RAB2B: variants seen among roughly 807,000 people sequenced by gnomAD.
RAB2B encodes RAB2B, member RAS oncogene family, also known as ras-related protein Rab-2B.
Under a neutral mutation model 29.8 loss-of-function variants are expected in RAB2B, and 20 were observed. That is an observed-to-expected ratio of 0.67 (90% CI 0.47 to 0.97). The LOEUF (loss-of-function observed/expected upper bound fraction) is 0.97. Ranked by LOEUF, RAB2B falls within the 50% of genes least tolerant of loss-of-function variation. The probability of loss-of-function intolerance (pLI) is 0.00; values close to 1 mark genes in which losing one functional copy is unlikely to be tolerated. For missense variants in RAB2B, 218 were observed against 272.0 expected (o/e 0.80, Z 1.40); for synonymous variants, 93 against 91.7 (o/e 1.01, Z -0.08).
chr14:21,460,460 C>T lies in RAB2B; in HGVS notation c.*736G>A, dbSNP rs1213989225. 3.0e-6 allele frequency: 1 copy of T among 336,896 alleles called. No homozygotes were observed. Among genetic ancestry groups the T allele is most frequent in the Non-Finnish European group, 5.9e-6 (1 of 169,602 alleles). 20.9% of individuals were successfully genotyped at this position (336,896 alleles called of 1,614,324 possible). On this transcript the variant is annotated 3_prime_UTR_variant, in exon 8 of 8. Transcript: ENST00000397762. ...ATGAGCCAGGTGTGGTGGCACATGC[C>T]TGTAGTCCCAGCTACTCGGGAGGTT... is the stretch of plus-strand genomic sequence containing the variant.
At chr14:21,464,943 G>A (rs1359885318) in intron 5 of RAB2B, among the ~76,000 whole-genome samples, 2 of 152,058 alleles carry the variant, frequency 1.3e-5, no homozygotes, top group Non-Finnish European at 2.9e-5. Flanking sequence ...ACAGGTTGCC[G>A]TGAGCTGAGC....
chr14:21,462,359 G>A lies in RAB2B; in HGVS notation c.534C>T (p.Val178=). Residue 178 remains valine, a synonymous_variant, in exon 7 of 8, where the codon GTC becomes GTT. Coordinates refer to ENST00000397762, the MANE Select transcript of RAB2B (RefSeq NM_032846.4). ...YRKIQQGLFD[V]HNEANGIKIG... ...TTCTACCCTTTCTTACCTCATTGTG[G>A]ACATCAAATAAACCCTGCTGGATCT... 1.2e-6 allele frequency: 2 copies of A among 1,613,224 alleles called. No homozygotes were observed. Among genetic ancestry groups the A allele is most frequent in the African/African-American group, 1.3e-5 (1 of 74,968 alleles).
Position 21,459,331 on chromosome 14 carries a change from G to A in RAB2B, c.*1865C>T, listed in dbSNP as rs1002117945. 1 of 152,208 alleles carries A rather than the reference G, an allele frequency of 6.6e-6. No homozygotes were observed. The highest frequency in any genetic ancestry group is 2.4e-5 in the African/African-American group (1 of 41,440). The allele number at this position is 152,208 out of a possible 1,614,324, so 9.4% of individuals were successfully genotyped here. ...GCCAGGGAAAGGTGGGAGGGGAGAA[G>A]GAAGAGAACTGTATAAAACCCAGGG... On this transcript the variant is annotated 3_prime_UTR_variant, in exon 8 of 8. Coordinates refer to ENST00000397762, the MANE Select transcript of RAB2B (RefSeq NM_032846.4).
At chr14:21,475,467 G>A (rs59296354) in intron 2 of RAB2B, among the ~76,000 whole-genome samples, 447 of 132,326 alleles carry the variant, frequency 3.4e-3, no homozygotes, top group African/African-American at 0.012. Context: ...GTCTCGCTCC[G>A]TCACCCAGGC....
Position 21,476,621 on chromosome 14 carries a change from C to A in RAB2B, c.47-22G>T, listed in dbSNP as rs748715116. On this transcript the variant is annotated intron_variant, in intron 1 of 7. Transcript: ENST00000397762. ...ACACCTGAAAGAGAAAGCACACTCC[C>A]GGAATCACGCAGCCCTGGAACACCT... is the stretch of plus-strand genomic sequence containing the variant. 5.6e-6 allele frequency: 9 copies of A among 1,613,658 alleles called. No individual in the cohort carries two copies. The East Asian group carries it at 1.8e-4, about 32-fold the overall frequency.
At chr14:21,465,746 A>G (rs559198457) in intron 5 of RAB2B, among the ~76,000 whole-genome samples, 2 of 152,278 alleles carry the variant, frequency 1.3e-5, no homozygotes, top group East Asian at 3.9e-4. Flanking sequence ...ACCCTTACTC[A>G]GGCCTCTAAG....
chr14:21,468,142 G>T (rs1214134062), intron 5 of RAB2B, among the ~76,000 whole-genome samples: 1 of 152,084 alleles, frequency 6.6e-6, no homozygotes, highest in Non-Finnish European at 1.5e-5. Flanking sequence ...GTTGGTGATG[G>T]CTGTGGAACA....
intron 3 of RAB2B, among the ~76,000 whole-genome samples, chr14:21,469,116 C>A (rs992794931): frequency 6.6e-6 from 1 of 151,516 alleles, no homozygotes; most frequent in Non-Finnish European, 1.5e-5. Context: ...CATAAAAGAA[C>A]AACTGGAAAT....
intron 3 of RAB2B, among the ~76,000 whole-genome samples, chr14:21,471,503 A>G (rs965138007): frequency 2.6e-5 from 4 of 151,718 alleles, no homozygotes; most frequent in Admixed American, 2.6e-4. Context: ...CTGTAGTCCC[A>G]GCTACTTGAG....
At chr14:21,472,474 A>G (rs1422987618) in intron 3 of RAB2B, among the ~76,000 whole-genome samples, 1 of 152,210 alleles carries the variant, frequency 6.6e-6, no homozygotes, top group African/African-American at 2.4e-5. Context: ...GCAGGAGATC[A>G]GGGCTGACAA....
In RAB2B at chr14:21,463,942, T is replaced by C. The variant is rs1045782438; in HGVS notation, c.363-175A>G. Among the ~76,000 whole-genome samples the C allele has an allele frequency of 3.9e-5, 6 of 152,184 alleles. No homozygotes were observed. In the East Asian group the frequency reaches 1.2e-3, roughly 29 times the overall value. On this transcript the variant is annotated intron_variant, in intron 5 of 7. Transcript: ENST00000397762. ...GATTTTTGTAGCATCTTGGAAAATA[T>C]TCTTTAGTTTTGGGACAGCTGCTGC...
rs1461603456 is a variant in RAB2B at position 21,475,451 on chromosome 14, G to A, written c.119-517C>T. ...AATACTTTTTTTTTTTTTTTTTTGAGATGGAGTCTCGCTCCGTCACCCAGG... is the reference window on the plus strand; with the variant it reads ...AATACTTTTTTTTTTTTTTTTTTGAAATGGAGTCTCGCTCCGTCACCCAGG... On this transcript the variant is annotated intron_variant, in intron 2 of 7. Transcript: ENST00000397762. Among the ~76,000 whole-genome samples, 3 of 106,970 alleles carry A rather than the reference G, an allele frequency of 2.8e-5. No individual in the cohort carries two copies. The South Asian group carries it at 9.2e-4, about 33-fold the overall frequency. 70.2% of individuals were successfully genotyped at this position (106,970 alleles called of 152,430 possible).
chr14:21,465,643 A>G (rs1047831254), intron 5 of RAB2B, among the ~76,000 whole-genome samples: 2 of 152,128 alleles, frequency 1.3e-5, no homozygotes, highest in African/African-American at 4.8e-5. Context: ...TCTACTTAAA[A>G]CTTTAAAATG....
intron 5 of RAB2B, among the ~76,000 whole-genome samples, chr14:21,464,354 C>T (rs946253427): frequency 6.6e-6 from 1 of 152,224 alleles, no homozygotes. Context: ...AAACTGAGAT[C>T]GCGCCATTGC....
Position 21,474,846 on chromosome 14 carries a change from TA to T in RAB2B, c.186+20del. 5 of 1,599,356 alleles carry T rather than the reference TA, an allele frequency of 3.1e-6. No homozygotes were observed. The highest frequency in any genetic ancestry group is 4.3e-6 in the Non-Finnish European group (5 of 1,166,472). ...TTATACTTGGATATTGGTCAGAGAC[TA>T]AATTATTTTGTACTCTCACCGTATC... On this transcript the variant is annotated intron_variant, in intron 3 of 7. Transcript: ENST00000397762.
rs374575570 is a variant in RAB2B at position 21,470,428 on chromosome 14, T to C, written c.187-1676A>G. ...ATCATATAACCTAAACTGGGGTTTG[T>C]AGGTGAGAAGAGAATTCCAGTATAC... On this transcript the variant is annotated intron_variant, in intron 3 of 7. Transcript: ENST00000397762. 4.6e-5 allele frequency among the ~76,000 whole-genome samples: 7 copies of C among 152,268 alleles called. No individual in the cohort carries two copies. In the East Asian group the frequency reaches 7.7e-4, roughly 17 times the overall value.
Position 21,464,938 on chromosome 14 carries a change from T to C in RAB2B, c.363-1171A>G, listed in dbSNP as rs150807938. Among the ~76,000 whole-genome samples, 585 of 151,998 alleles carry C rather than the reference T, an allele frequency of 3.8e-3. 4 individuals carry two copies. Among genetic ancestry groups the C allele is most frequent in the African/African-American group, 0.013 (551 of 41,470 alleles). ...GGATCTCTTGAGCCCTGGAAACAGG[T>C]TGCCGTGAGCTGAGCACGTTACTGT... On this transcript the variant is annotated intron_variant, in intron 5 of 7. Transcript: ENST00000397762.
At chr14:21,462,852 A>AAG (rs1174017569) in intron 6 of RAB2B, among the ~76,000 whole-genome samples, 19 of 151,786 alleles carry the variant, frequency 1.3e-4, no homozygotes, top group African/African-American at 4.6e-4. Flanking sequence ...AAAAAAAAAA[A>AAG]AAAATCAAAA....
intron 5 of RAB2B, among the ~76,000 whole-genome samples, chr14:21,464,991 C>T (rs1890654570): frequency 6.7e-6 from 1 of 149,504 alleles, no homozygotes; most frequent in Non-Finnish European, 1.5e-5. Flanking sequence ...AGCACGAGAC[C>T]TTGTCGCAAA....
Sources: allele counts gnomAD v4.1 joint callset (sites outside exome capture counted in the v4.1 genomes callset), GRCh38; gene constraint gnomAD v4.1.1; transcripts MANE v1.5; gene names NCBI Gene and HGNC (gene_info 2026-07-23, HGNC 2026-07-21).